PCDHA10: variants seen among roughly 807,000 people sequenced by gnomAD.
PCDHA10 encodes protocadherin alpha 10.
Under a neutral mutation model 61.2 loss-of-function variants are expected in PCDHA10, and 45 were observed. That is an observed-to-expected ratio of 0.74 (90% confidence interval 0.58 to 0.94). The LOEUF (loss-of-function observed/expected upper bound fraction) is 0.94. Ranked by LOEUF, PCDHA10 falls within the 40% of genes least tolerant of loss-of-function variation. The pLI, the probability that PCDHA10 is intolerant of heterozygous loss-of-function variation, is 0.00. For missense variants in PCDHA10, 1,278 were observed against 1,236.2 expected (o/e 1.03, Z -0.51); for synonymous variants, 602 against 548.8 (o/e 1.10, Z -1.35).
At chr5:140,931,881 T>C (rs2087825880) in intron 1 of PCDHA10, among the ~76,000 whole-genome samples, 1 of 152,002 alleles carries the variant, frequency 6.6e-6, no homozygotes, top group African/African-American at 2.4e-5. Flanking sequence ...TTTATTGCTT[T>C]CATTTTATTT....
intron 1 of PCDHA10, among the ~76,000 whole-genome samples, chr5:140,914,423 G>T (rs1293093692): frequency 3.3e-5 from 5 of 152,086 alleles, no homozygotes; most frequent in African/African-American, 1.2e-4. Context: ...CCATTAGCAA[G>T]GAATATCTTT....
At position 140,993,767 on chromosome 5, in the gene PCDHA10, G is replaced by C. The variant is rs115607244; in HGVS notation, c.2536+11204G>C. ...ATACTTGCCATTATATTACAATTGC[G>C]CAGTATTTTGTACAGTAACATGCTG... On this transcript the variant is annotated intron_variant, in intron 3 of 3. Transcript: ENST00000307360. Among the ~76,000 whole-genome samples, 826 of 152,124 alleles carry C rather than the reference G, an allele frequency of 5.4e-3. 11 individuals are homozygous for C. Among genetic ancestry groups the C allele is most frequent in the African/African-American group, 0.018 (749 of 41,482 alleles).
intron 1 of PCDHA10, chr5:140,968,899 A>G (rs782594245): frequency 6.2e-7 from 1 of 1,614,130 alleles, no homozygotes; most frequent in Non-Finnish European, 8.5e-7. Context: ...TAATAATAGC[A>G]TTAAGCACAG....
intron 1 of PCDHA10, among the ~76,000 whole-genome samples, chr5:140,890,543 C>T (rs1388914629): frequency 6.6e-6 from 1 of 152,012 alleles, no homozygotes; most frequent in Non-Finnish European, 1.5e-5. Context: ...TTTGAAATGA[C>T]TGAGTACTTT....
At chr5:140,960,455 T>A (rs1585839337) in intron 1 of PCDHA10, among the ~76,000 whole-genome samples, 3 of 152,274 alleles carry the variant, frequency 2.0e-5, no homozygotes, top group African/African-American at 7.2e-5. Flanking sequence ...ATGGATAATT[T>A]TGAGAAGTAA....
At chr5:140,943,690 CA>C (rs2093548144) in intron 1 of PCDHA10, among the ~76,000 whole-genome samples, 1 of 151,974 alleles carries the variant, frequency 6.6e-6, no homozygotes, top group Non-Finnish European at 1.5e-5. Context: ...GGGATAAGGT[CA>C]AAATATTGTG....
chr5:141,009,233 T>C (rs2098403082), intron 3 of PCDHA10, among the ~76,000 whole-genome samples: 1 of 152,184 alleles, frequency 6.6e-6, no homozygotes, highest in Non-Finnish European at 1.5e-5. Context: ...GGTGGGAGGA[T>C]CTCTTGAGCT....
At position 140,857,467 on chromosome 5, in the gene PCDHA10, C is replaced by T; in HGVS notation, c.1419C>T (p.Ile473=). 3 of 1,598,642 alleles carry T rather than the reference C, an allele frequency of 1.9e-6. No homozygotes were observed. The highest frequency in any genetic ancestry group is 2.6e-6 in the Non-Finnish European group (3 of 1,167,906). Residue 473 remains isoleucine (I), a synonymous_variant, in exon 1 of 4, where the codon ATC becomes ATT. Coordinates refer to ENST00000307360, the MANE Select transcript of PCDHA10 (RefSeq NM_018901.4). ...AGAACAACCCGCCAGGCTGCCACATCTTCACGGTGTCTGCGTGGGACGCGG... is the reference window on the plus strand; with the variant it reads ...AGAACAACCCGCCAGGCTGCCACATTTTCACGGTGTCTGCGTGGGACGCGG... ...VKENNPPGCH[I]FTVSAWDADA...
chr5:140,947,270 T>C (rs1230948656), intron 1 of PCDHA10, among the ~76,000 whole-genome samples: 1 of 151,546 alleles, frequency 6.6e-6, no homozygotes, highest in Non-Finnish European at 1.5e-5. Context: ...TTGTTGAAAA[T>C]ACTTTTTCTT....
chr5:140,927,213 G>C (rs1384969721), intron 1 of PCDHA10: 11 of 1,614,000 alleles, frequency 6.8e-6, no homozygotes, highest in Non-Finnish European at 9.3e-6. Flanking sequence ...CGCTGGAGCT[G>C]CACAAGATTC....
chr5:140,952,113 G>T (rs2094688731), intron 1 of PCDHA10, among the ~76,000 whole-genome samples: 1 of 151,990 alleles, frequency 6.6e-6, no homozygotes. Flanking sequence ...TCGTGTGAGG[G>T]ATGGGCTCCC....
intron 1 of PCDHA10, among the ~76,000 whole-genome samples, chr5:140,935,149 T>C (rs1241997966): frequency 6.6e-6 from 1 of 152,192 alleles, no homozygotes; most frequent in Admixed American, 6.5e-5. Context: ...CTTAGAGATA[T>C]AATCTCAACA....
intron 1 of PCDHA10, chr5:140,883,380 T>C (rs1554177974): frequency 1.2e-6 from 2 of 1,614,176 alleles, no homozygotes; most frequent in Admixed American, 3.3e-5. Context: ...ATTATTGCCC[T>C]AATCAGTGTG....
Position 140,856,203 on chromosome 5 carries a change from G to GGCTGGA in PCDHA10, c.161_166dup (p.Glu54_Leu55dup), listed in dbSNP as rs782244369. ...GTGGGCCGCATCGCGCAGGACCTGGGGCTGGAGCTGGCGGAGCTGGTGCAG... is the reference window on the plus strand; with the variant it reads ...GTGGGCCGCATCGCGCAGGACCTGGGGCTGGAGCTGGAGCTGGCGGAGCTGGTGCAG... On this transcript the variant is annotated inframe_insertion, in exon 1 of 4. Coordinates refer to ENST00000307360, the MANE Select transcript of PCDHA10 (RefSeq NM_018901.4). The GGCTGGA allele has an allele frequency of 6.3e-7, 1 of 1,597,978 alleles. No individual in the cohort carries two copies. Among genetic ancestry groups the GGCTGGA allele is most frequent in the African/African-American group, 1.3e-5 (1 of 74,308 alleles).
Position 140,856,234 on chromosome 5 carries a change from G to A in PCDHA10, c.186G>A (p.Leu62=). Residue 62 remains leucine (L), a synonymous_variant, in exon 1 of 4, where the codon CTG becomes CTA. Transcript: ENST00000307360. ...GLELAELVQR[L]FRVASKRHGD... ...AGCTGGCGGAGCTGGTGCAGCGCCT[G>A]TTCCGGGTGGCGTCCAAAAGACACG... 3 of 1,598,040 alleles carry A rather than the reference G, an allele frequency of 1.9e-6. 1 individual carries two copies. Among genetic ancestry groups the A allele is most frequent in the Non-Finnish European group, 2.6e-6 (3 of 1,167,878 alleles).
At chr5:140,869,145 A>G (rs1013407350) in intron 1 of PCDHA10, 58 of 1,613,508 alleles carry the variant, frequency 3.6e-5, no homozygotes, top group Non-Finnish European at 4.7e-5. Context: ...CCCCACGACT[A>G]CAGCTCTGGC....
At chr5:140,903,609 A>G (rs565435427) in intron 1 of PCDHA10, among the ~76,000 whole-genome samples, 2 of 152,360 alleles carry the variant, frequency 1.3e-5, no homozygotes, top group Admixed American at 6.5e-5. Flanking sequence ...CTTAATACAC[A>G]TGAATGTGCA....
Position 141,010,175 on chromosome 5 carries a change from A to G in PCDHA10, c.*238A>G. The G allele has an allele frequency of 6.4e-7, 1 of 1,556,224 alleles. No homozygotes were observed. The highest frequency in any genetic ancestry group is 8.7e-7 in the Non-Finnish European group (1 of 1,149,078). On this transcript the variant is annotated 3_prime_UTR_variant, in exon 4 of 4. Coordinates refer to ENST00000307360, the MANE Select transcript of PCDHA10 (RefSeq NM_018901.4). ...TCTGGCTTGTTTTCAGAACCTAAAA[A>G]GCAGACCCAAGTTTCCTTTCTCCTC...
intron 1 of PCDHA10, among the ~76,000 whole-genome samples, chr5:140,941,319 CT>C (rs70988781): frequency 0.38 from 39,984 of 104,186 alleles, 7,512 homozygotes; most frequent in East Asian, 0.57. Flanking sequence ...TCTTCTTTCT[CT>C]TTTTTTTTTT....
Sources: allele counts gnomAD v4.1 joint callset (sites outside exome capture counted in the v4.1 genomes callset), GRCh38; gene constraint gnomAD v4.1.1; transcripts MANE v1.5; gene names NCBI Gene and HGNC (gene_info 2026-07-23, HGNC 2026-07-21).